SLC6A11: variants seen among roughly 807,000 people sequenced by gnomAD.
SLC6A11 encodes the protein sodium- and chloride-dependent GABA transporter 3.
In SLC6A11, 25 loss-of-function variants were observed where a neutral mutation model predicts 74.8. That is an observed-to-expected ratio of 0.33 (90% CI 0.24 to 0.47). The LOEUF is 0.47. SLC6A11 is among the 20% of genes least tolerant of loss of function. The pLI is 1.00. For missense variants in SLC6A11, 574 were observed against 837.0 expected, an observed-to-expected ratio of 0.69 and a Z score of 3.88; for synonymous variants, 330 against 330.2, an observed-to-expected ratio of 1.00 and a Z score of 0.01.
In SLC6A11 at chr3:10,819,515, G is replaced by C; in HGVS notation, c.307G>C (p.Val103Leu). ...VVFFICCGIP[V>L]FFLETALGQF... ...GTTTTTTATTTGCTGTGGAATTCCT[G>C]TTTTTTTCCTGGAGACAGCTCTGGG... Residue 103 changes from valine (V) to leucine (L), a missense_variant, in exon 2 of 14, where the codon GTT becomes CTT. By Grantham distance (32) the Val-to-Leu change is conservative. Transcript: ENST00000254488. The C allele has an allele frequency of 1.1e-5, 18 of 1,614,006 alleles. No homozygotes were observed. The highest frequency in any genetic ancestry group is 1.4e-5 in the Non-Finnish European group (17 of 1,179,962).
At chr3:10,858,997 T>C (rs868547266) in intron 5 of SLC6A11, among the ~76,000 whole-genome samples, 1 of 152,008 alleles carries the variant, frequency 6.6e-6, no homozygotes, top group South Asian at 2.1e-4. Flanking sequence ...GATTGGTAGG[T>C]AGAGATCAGC....
chr3:10,931,759 C>G (rs148152666), intron 10 of SLC6A11, among the ~76,000 whole-genome samples: 1 of 152,350 alleles, frequency 6.6e-6, no homozygotes, highest in East Asian at 1.9e-4. Context: ...CCACCACTCC[C>G]TGGTACCACA....
chr3:10,922,649 T>C (rs1375221996), intron 8 of SLC6A11, among the ~76,000 whole-genome samples: 1 of 152,180 alleles, frequency 6.6e-6, no homozygotes, highest in African/African-American at 2.4e-5. Context: ...CTTCCCTGAA[T>C]ATATCATTTT....
chr3:10,841,721 C>G (rs1054039425), intron 4 of SLC6A11, among the ~76,000 whole-genome samples: 4 of 152,244 alleles, frequency 2.6e-5, no homozygotes, highest in African/African-American at 9.6e-5. Flanking sequence ...GCCTGTCCCG[C>G]TTTCTCCCTC....
rs1301086522 is a variant in SLC6A11 at position 10,929,260 on chromosome 3, G to A, written c.1292G>A (p.Arg431Gln). The change falls in exon 10 of 14, where the codon CGG (arginine) becomes CAG (glutamine). Residue 431 changes from arginine (R) to glutamine (Q), a missense_variant. Physicochemically the swap from Arg to Gln is conservative, Grantham distance 43. This residue lies in a region of SLC6A11 where 257 missense variants were observed against 341.5 expected (regional missense o/e 0.75). Transcript: ENST00000254488. ...AVVDMYPKVF[R>Q]RGYRRELLIL... is the part of the protein sequence containing the mutation. Reference sequence around the variant, plus strand: ...GTGGACATGTACCCCAAGGTTTTCCGGAGGGGTTACCGGCGGGAGCTGCTC... The same window carrying A: ...GTGGACATGTACCCCAAGGTTTTCCAGAGGGGTTACCGGCGGGAGCTGCTC... The A allele has an allele frequency of 9.9e-6, 16 of 1,613,996 alleles. No homozygotes were observed. Among genetic ancestry groups the A allele is most frequent in the East Asian group, 2.2e-5 (1 of 44,884 alleles).
chr3:10,910,232 AT>A (rs1356353085), intron 6 of SLC6A11, among the ~76,000 whole-genome samples: 31 of 152,330 alleles, frequency 2.0e-4, no homozygotes, highest in Non-Finnish European at 3.5e-4. Context: ...TTAATAGGCA[AT>A]TTGTTGAATG....
At chr3:10,891,900 C>A (rs1274183060) in intron 6 of SLC6A11, among the ~76,000 whole-genome samples, 1 of 152,224 alleles carries the variant, frequency 6.6e-6, no homozygotes, top group African/African-American at 2.4e-5. Flanking sequence ...ACTCTGTCCA[C>A]CTCAAATGGC....
At chr3:10,858,164 A>G (rs765850170) in intron 5 of SLC6A11, among the ~76,000 whole-genome samples, 1 of 152,268 alleles carries the variant, frequency 6.6e-6, no homozygotes, top group Non-Finnish European at 1.5e-5. Flanking sequence ...CAGTACAGCC[A>G]TTAGTGACAT....
At position 10,918,714 on chromosome 3, in the gene SLC6A11, C is replaced by T. The variant is rs1033516116; in HGVS notation, c.1120+261C>T. ...CTTCATTCATTTCTCCCAAGCTTCA[C>T]CGTCTCCCCACTAGCCCGGACCACC... On this transcript the variant is annotated intron_variant, in intron 8 of 13. Transcript: ENST00000254488. The surrounding 1 kb of genome is among the most constrained non-coding windows in gnomAD (Gnocchi z 4.5). Among the ~76,000 whole-genome samples, 3 of 152,138 alleles carry T rather than the reference C, an allele frequency of 2.0e-5. No homozygotes were observed. The highest frequency in any genetic ancestry group is 7.2e-5 in the African/African-American group (3 of 41,416).
chr3:10,935,650 C>G (rs1695751951), intron 13 of SLC6A11, among the ~76,000 whole-genome samples: 1 of 152,242 alleles, frequency 6.6e-6, no homozygotes. Flanking sequence ...GCATCATTTT[C>G]TGCAGTTAGC....
intron 6 of SLC6A11, among the ~76,000 whole-genome samples, chr3:10,879,221 G>T (rs1235002196): frequency 6.6e-6 from 1 of 152,174 alleles, no homozygotes; most frequent in Non-Finnish European, 1.5e-5. Flanking sequence ...GTCAGCGATG[G>T]CTAGGAAGTG....
chr3:10,899,496 T>G (rs978568077), intron 6 of SLC6A11, among the ~76,000 whole-genome samples: 22 of 152,230 alleles, frequency 1.4e-4, no homozygotes, highest in Admixed American at 8.5e-4. Flanking sequence ...CCCAAAGATA[T>G]AGTGATGAAT....
chr3:10,911,426 G>A (rs1298933880), intron 6 of SLC6A11, among the ~76,000 whole-genome samples: 2 of 152,154 alleles, frequency 1.3e-5, no homozygotes, highest in African/African-American at 4.8e-5. Context: ...GGGAGCTTGG[G>A]GACTAGGAAA....
At chr3:10,901,129 A>G (rs1184187804) in intron 6 of SLC6A11, among the ~76,000 whole-genome samples, 1 of 152,190 alleles carries the variant, frequency 6.6e-6, no homozygotes, top group African/African-American at 2.4e-5. Flanking sequence ...CTGAGTCTGC[A>G]TGGACATCTT....
intron 10 of SLC6A11, among the ~76,000 whole-genome samples, chr3:10,932,383 A>G (rs747917546): frequency 5.9e-5 from 9 of 152,052 alleles, no homozygotes; most frequent in Non-Finnish European, 1.2e-4. Context: ...TCCCTACCCT[A>G]TGGAGATCAC....
At chr3:10,883,288 A>C (rs917563943) in intron 6 of SLC6A11, among the ~76,000 whole-genome samples, 1 of 152,026 alleles carries the variant, frequency 6.6e-6, no homozygotes, top group Non-Finnish European at 1.5e-5. Flanking sequence ...TTTGCCCTCA[A>C]AATTTTACTT....
intron 6 of SLC6A11, among the ~76,000 whole-genome samples, chr3:10,877,473 G>T (rs1319629673): frequency 6.6e-6 from 1 of 152,194 alleles, no homozygotes; most frequent in Admixed American, 6.5e-5. Flanking sequence ...TGTGTGCAGG[G>T]TTTCTGCCCA....
intron 4 of SLC6A11, among the ~76,000 whole-genome samples, chr3:10,840,213 C>A (rs1024991089): frequency 6.6e-6 from 1 of 152,214 alleles, no homozygotes; most frequent in African/African-American, 2.4e-5. Flanking sequence ...TCTCACCCAG[C>A]CCTAGCTGCA....
intron 5 of SLC6A11, among the ~76,000 whole-genome samples, chr3:10,862,305 A>G (rs1694711638): frequency 6.6e-6 from 1 of 152,120 alleles, no homozygotes; most frequent in Non-Finnish European, 1.5e-5. Context: ...CACTGTTGGA[A>G]TGTTTATGTT....
Sources: gnomAD v4.1 joint callset for allele counts (sites outside exome capture counted in the v4.1 genomes callset) on GRCh38, gnomAD v4.1.1 for gene constraint, gnomAD v4.1.1 regional missense constraint, Gnocchi (gnomAD v3.1) non-coding constraint, MANE v1.5 for transcripts, NCBI Gene and HGNC (gene_info 2026-07-23, HGNC 2026-07-21) for gene names.